The following IFNL3 variants were observed in gnomAD, a reference collection of about 807,000 sequenced individuals.
IFNL3 encodes the protein interferon lambda-3.
A neutral mutation model predicts 16.3 loss-of-function variants in IFNL3; 16 were observed. The ratio of observed to expected loss-of-function variants is 0.98; its 90% CI spans 0.67 to 1.50. IFNL3 has a LOEUF of 1.50. IFNL3 is among the 40% of genes most tolerant of loss of function. The probability of loss-of-function intolerance (pLI) is 0.00; values close to 1 mark genes in which losing one functional copy is unlikely to be tolerated. For synonymous variants in IFNL3, 115 were observed against 115.3 expected (o/e 1.00, Z 0.02); for missense variants, 254 against 253.5 (o/e 1.00, Z -0.01).
At position 39,244,913 on chromosome 19, in the gene IFNL3, T is replaced by C; in HGVS notation, c.55A>G (p.Thr19Ala). 2 of 1,613,970 alleles carry C rather than the reference T, an allele frequency of 1.2e-6. No homozygotes were observed. The highest frequency in any genetic ancestry group is 1.7e-6 in the Non-Finnish European group (2 of 1,179,872). The change falls in exon 1 of 5, where the codon ACT becomes GCT. Residue 19 changes from threonine to alanine, a missense_variant. Coordinates refer to ENST00000413851, the MANE Select transcript of IFNL3 (RefSeq NM_172139.4). Reference protein sequence around the residue: ...LVLMAAVLTVTGAVPVARLRG... With the variant: ...LVLMAAVLTVAGAVPVARLRG... ...AGCCTGGCGACAGGAACTGCTCCAG[T>C]CACGGTCAGCACTGCGGCCATCAGC...
At chr19:39,244,352 G>C in intron 2 of IFNL3, 65 bp downstream of exon 2, 5 of 1,553,724 alleles carry the variant, frequency 3.2e-6, no homozygotes, top group Non-Finnish European at 4.4e-6. Flanking sequence ...GAAGGTGAAG[G>C]GGCCACTACA....
Position 39,243,722 on chromosome 19 carries a change from A to T in IFNL3, c.501T>A (p.Pro167=). Residue 167 remains proline (P), a synonymous_variant, in exon 5 of 5, where the codon CCT becomes CCA. Coordinates refer to ENST00000413851, the MANE Select transcript of IFNL3 (RefSeq NM_172139.4). The part of the protein sequence containing the change: ...RLQEAPKKES[P]GCLEASVTFN... Reference sequence around the variant, plus strand: ...AGGTGACAGAGGCCTCGAGGCAGCCAGGGGACTCCTGTAGGGAGGAGGGGA... The same window carrying T: ...AGGTGACAGAGGCCTCGAGGCAGCCTGGGGACTCCTGTAGGGAGGAGGGGA... The T allele has an allele frequency of 6.2e-7, 1 of 1,611,832 alleles. No individual in the cohort carries two copies. Among genetic ancestry groups the T allele is most frequent in the Non-Finnish European group, 8.5e-7 (1 of 1,179,086 alleles).
rs1438054157 is a variant in IFNL3 at position 39,244,300 on chromosome 19, G to A, written c.258+117C>T. On this transcript the variant is annotated intron_variant, in intron 2 of 4. Transcript: ENST00000413851. ...GGTCAGGTAGGAGCAGAGGGAAGGG[G>A]TAGCAGGTGTGGGGAGAGGAGAGAG... The A allele has an allele frequency of 2.2e-5, 33 of 1,473,536 alleles. 1 individual carries two copies. The highest frequency in any genetic ancestry group is 1.8e-4 in the African/African-American group (13 of 72,044). 91.3% of individuals were successfully genotyped at this position (1,473,536 alleles called of 1,614,324 possible).
upstream of IFNL3, chr19:39,245,140 G>T (rs2074939492): frequency 6.8e-7 from 1 of 1,461,582 alleles, no homozygotes; most frequent in Non-Finnish European, 9.4e-7. Context: ...GGGTCTGTTT[G>T]GGTCTTGTCT....
In IFNL3 at chr19:39,244,041, G is replaced by A. The variant is rs1464139453; in HGVS notation, c.375C>T (p.Thr125=). 4 of 1,614,092 alleles carry A rather than the reference G, an allele frequency of 2.5e-6. No homozygotes were observed. The African/African-American group carries it at 4.0e-5, about 16-fold the overall frequency. The change falls in exon 3 of 5, where the codon ACC becomes ACT. Residue 125 remains threonine (T), a synonymous_variant. Coordinates refer to ENST00000413851, the MANE Select transcript of IFNL3 (RefSeq NM_172139.4). ...LGDVLDQPLH[T]LHHILSQLRA... ...GGAGCTGGGAGAGGATATGGTGCAG[G>A]GTGTGAAGGGGCTGGTCCAAGACAT...
chr19:39,243,506 A>T (rs2074924412), downstream of IFNL3: 2 of 1,134,958 alleles, frequency 1.8e-6, no homozygotes, highest in African/African-American at 3.1e-5. Flanking sequence ...GTAGAAAAAT[A>T]AACATTTTCC....
At chr19:39,245,064 T>A, upstream of IFNL3, 1 of 1,609,654 alleles carries the variant, frequency 6.2e-7, no homozygotes, top group Middle Eastern at 1.7e-4. Context: ...GATGTGGGAC[T>A]CACCTAGTTT....
Position 39,244,719 on chromosome 19 carries a change from G to T in IFNL3, c.180+69C>A, listed in dbSNP as rs1385653337. ...AGCCCAGTGAAGGAAGCTGGGAGTGGGAAAGCATGGTGACCCTTGGAGTGC... is the reference window on the plus strand; with the variant it reads ...AGCCCAGTGAAGGAAGCTGGGAGTGTGAAAGCATGGTGACCCTTGGAGTGC... On this transcript the variant is annotated intron_variant, in intron 1 of 4. Transcript: ENST00000413851. 5.8e-6 allele frequency: 9 copies of T among 1,555,854 alleles called. No individual in the cohort carries two copies. The East Asian group carries it at 1.6e-4, about 27-fold the overall frequency.
intron 1 of IFNL3, 49 bp downstream of exon 1, chr19:39,244,739 G>A (rs763144027): frequency 1.3e-6 from 2 of 1,588,508 alleles, no homozygotes. Context: ...GTGACCCTTG[G>A]AGTGCGGGTG....
At chr19:39,243,984 G>C (rs771209397) in intron 3 of IFNL3, 24 bp downstream of exon 3, 1 of 1,612,344 alleles carries the variant, frequency 6.2e-7, no homozygotes, top group Non-Finnish European at 8.5e-7. Flanking sequence ...CACAGACCTG[G>C]GTGCCCGGGC....
Position 39,244,318 on chromosome 19 carries a change from G to T in IFNL3, c.258+99C>A, listed in dbSNP as rs1008283278. On this transcript the variant is annotated intron_variant, in intron 2 of 4. Transcript: ENST00000413851. ...GGAAGGGGTAGCAGGTGTGGGGAGA[G>T]GAGAGAGGGACAATGGAGAAGGAGA... is the stretch of plus-strand genomic sequence containing the variant. 2.0e-6 allele frequency: 3 copies of T among 1,488,476 alleles called. No homozygotes were observed. In the African/African-American group the frequency reaches 4.2e-5, roughly 21 times the overall value. 92.2% of individuals were successfully genotyped at this position (1,488,476 alleles called of 1,614,324 possible).
intron 2 of IFNL3, 116 bp downstream of exon 2, chr19:39,244,301 T>A (rs994115031): frequency 8.9e-6 from 13 of 1,464,298 alleles, no homozygotes; most frequent in Non-Finnish European, 1.2e-5. Flanking sequence ...AGGGAAGGGG[T>A]AGCAGGTGTG....
Position 39,244,055 on chromosome 19 carries a change from G to C in IFNL3, c.361C>G (p.Gln121Glu). 1 of 1,614,188 alleles carries C rather than the reference G, an allele frequency of 6.2e-7. No individual in the cohort carries two copies. The highest frequency in any genetic ancestry group is 8.5e-7 in the Non-Finnish European group (1 of 1,180,040). ...TDPALGDVLDQPLHTLHHILS... is the reference protein window; with the variant it reads ...TDPALGDVLDEPLHTLHHILS... Reference sequence around the variant, plus strand: ...ATATGGTGCAGGGTGTGAAGGGGCTGGTCCAAGACATCCCCCAGGGCTGGG... The same window carrying C: ...ATATGGTGCAGGGTGTGAAGGGGCTCGTCCAAGACATCCCCCAGGGCTGGG... Residue 121 changes from glutamine (Q) to glutamate (E), a missense_variant, in exon 3 of 5, where the codon CAG becomes GAG. Transcript: ENST00000413851.
chr19:39,244,158 C>T lies in IFNL3; in HGVS notation c.259-1G>A. 1 of 1,614,088 alleles carries T rather than the reference C, an allele frequency of 6.2e-7. No homozygotes were observed. Among genetic ancestry groups the T allele is most frequent in the Non-Finnish European group, 8.5e-7 (1 of 1,180,014 alleles). On this transcript the variant is annotated splice_acceptor_variant, in intron 2 of 4. Transcript: ENST00000413851. LOFTEE classifies it high-confidence loss of function. The stretch of plus-strand genomic sequence containing the variant: ...CCAAAGCCACGGGGCGCTCCCTCAC[C>T]TGAGGAGAGGTGAGAAAGAGCAGGT...
At position 39,243,673 on chromosome 19, in the gene IFNL3, G is replaced by C. The variant is rs777895796; in HGVS notation, c.550C>G (p.Arg184Gly). The C allele has an allele frequency of 4.4e-6, 7 of 1,606,252 alleles. No homozygotes were observed. Among genetic ancestry groups the C allele is most frequent in the East Asian group, 4.5e-5 (2 of 44,574 alleles). Residue 184 changes from arginine to glycine, a missense_variant, in exon 5 of 5, where the codon CGA becomes GGA. Transcript: ENST00000413851. ...VTFNLFRLLT[R>G]DLNCVASGDL... ...CCGCTGGCAACACAATTCAGGTCTCGCGTGAGGAGGCGGAAGAGGTTGAAG... is the reference window on the plus strand; with the variant it reads ...CCGCTGGCAACACAATTCAGGTCTCCCGTGAGGAGGCGGAAGAGGTTGAAG...
intron 1 of IFNL3, 93 bp downstream of exon 1, chr19:39,244,695 G>A (rs2074935642): frequency 1.2e-5 from 18 of 1,496,024 alleles, no homozygotes; most frequent in Non-Finnish European, 1.5e-5. Context: ...GTGGAGGCTA[G>A]CCCAGTGAAG....
chr19:39,243,646 C>T lies in IFNL3; in HGVS notation c.577G>A (p.Asp193Asn). ...TRDLNCVASG[D>N]LCV ...TGGCGGAAGGGTCAGACACACAGGT[C>T]CCCGCTGGCAACACAATTCAGGTCT... Residue 193 changes from aspartate (D) to asparagine (N), a missense_variant, in exon 5 of 5, where the codon GAC becomes AAC. Coordinates refer to ENST00000413851, the MANE Select transcript of IFNL3 (RefSeq NM_172139.4). 1 of 1,599,490 alleles carries T rather than the reference C, an allele frequency of 6.3e-7. No homozygotes were observed. Among genetic ancestry groups the T allele is most frequent in the Non-Finnish European group, 8.5e-7 (1 of 1,173,158 alleles).
chr19:39,243,617 T>C lies in IFNL3; in HGVS notation c.*15A>G. On this transcript the variant is annotated 3_prime_UTR_variant, in exon 5 of 5. Transcript: ENST00000413851. ...TTTATAAATAAAATCTCAGGTTGCA[T>C]GACTGGCGGAAGGGTCAGACACACA... 3 of 1,572,070 alleles carry C rather than the reference T, an allele frequency of 1.9e-6. No individual in the cohort carries two copies. Among genetic ancestry groups the C allele is most frequent in the East Asian group, 2.3e-5 (1 of 42,706 alleles).
At chr19:39,245,201 G>A, upstream of IFNL3, 1 of 813,410 alleles carries the variant, frequency 1.2e-6, no homozygotes. Context: ...ACTGTGTCCT[G>A]GCTTTGACTC....
Sources: gnomAD v4.1 joint callset for allele counts on GRCh38, gnomAD v4.1.1 for gene constraint, MANE v1.5 for transcripts, NCBI Gene and HGNC (gene_info 2026-07-23, HGNC 2026-07-21) for gene names.